The following ABCB5 variants were observed in gnomAD, a reference collection of about 807,000 sequenced individuals.
ABCB5 encodes ATP-binding cassette sub-family B member 5.
In ABCB5, 155 loss-of-function variants were observed where a neutral mutation model predicts 144.2. That is an observed-to-expected ratio of 1.08 (90% CI 0.94 to 1.23). The LOEUF is 1.23. ABCB5 is among the 50% of genes most tolerant of loss of function. The pLI, the probability that ABCB5 is intolerant of heterozygous loss-of-function variation, is 0.00. For missense variants in ABCB5, 1,830 were observed against 1,520.8 expected, an observed-to-expected ratio of 1.20 and a Z score of -3.38; for synonymous variants, 610 against 528.6, an observed-to-expected ratio of 1.15 and a Z score of -2.11.
intron 14 of ABCB5, chr7:20,659,898 G>C: frequency 1.1e-6 from 1 of 918,876 alleles, no homozygotes. Context: ...TGACCAGGCT[G>C]GTCTCAAACT....
chr7:20,647,707 A>AT, intron 10 of ABCB5, 59 bp downstream of exon 10: 1 of 1,531,246 alleles, frequency 6.5e-7, no homozygotes, highest in Non-Finnish European at 8.8e-7. Flanking sequence ...GAGACAAAAA[A>AT]ACATACACCC....
intron 20 of ABCB5, among the ~76,000 whole-genome samples, chr7:20,720,943 C>CAA (rs71020677): frequency 0.13 from 9,247 of 70,420 alleles, 986 homozygotes; most frequent in East Asian, 0.33. Context: ...AACTCTGCCT[C>CAA]AAAAAAAAAA....
At chr7:20,685,055 T>C (rs1785949971) in intron 15 of ABCB5, among the ~76,000 whole-genome samples, 1 of 152,212 alleles carries the variant, frequency 6.6e-6, no homozygotes, top group Non-Finnish European at 1.5e-5. Flanking sequence ...GTTACCATGT[T>C]GGCCAGGCTG....
intron 14 of ABCB5, among the ~76,000 whole-genome samples, chr7:20,662,939 T>G (rs75171064): frequency 0.056 from 8,453 of 152,244 alleles, 336 homozygotes; most frequent in South Asian, 0.13. Context: ...GGGTCCTTAT[T>G]TTAGATGTAA....
chr7:20,659,139 C>T (rs374932233), intron 14 of ABCB5: 41 of 1,613,796 alleles, frequency 2.5e-5, no homozygotes, highest in Non-Finnish European at 2.8e-5. Context: ...CAGCGCCCTT[C>T]GACAGCTCTG....
chr7:20,646,751 T>C (rs1211219627), intron 9 of ABCB5, among the ~76,000 whole-genome samples: 1 of 152,240 alleles, frequency 6.6e-6, no homozygotes, highest in African/African-American at 2.4e-5. Context: ...CAAAATGATC[T>C]GCTCTTTATA....
At chr7:20,713,256 C>A (rs1781554737) in intron 20 of ABCB5, among the ~76,000 whole-genome samples, 1 of 147,748 alleles carries the variant, frequency 6.8e-6, no homozygotes. Context: ...TTTTTCCAGA[C>A]AGGGTCTCAT....
At chr7:20,729,678 G>C (rs1412172393) in intron 23 of ABCB5, among the ~76,000 whole-genome samples, 9 of 152,164 alleles carry the variant, frequency 5.9e-5, no homozygotes, top group Admixed American at 6.6e-5. Flanking sequence ...TCATTGCTAA[G>C]CATTTAGAAC....
At position 20,629,116 on chromosome 7, in the gene ABCB5, G is replaced by C. The variant is rs146689820; in HGVS notation, c.259+278G>C. ...CAGAGAAACAGCATGGATAGGATGT[G>C]CGTTAGAAACAAAGAGAGAGAGAGA... On this transcript the variant is annotated intron_variant, in intron 4 of 27. Coordinates refer to ENST00000404938, the MANE Select transcript of ABCB5 (RefSeq NM_001163941.2). Among the ~76,000 whole-genome samples the C allele has an allele frequency of 7.5e-4, 113 of 150,378 alleles. 1 individual carries two copies. Among genetic ancestry groups the C allele is most frequent in the African/African-American group, 2.7e-3 (110 of 40,918 alleles).
chr7:20,753,404 C>A lies in ABCB5; in HGVS notation c.3474C>A (p.Gly1158=), dbSNP rs148088276. The A allele has an allele frequency of 7.4e-6, 12 of 1,613,834 alleles. No homozygotes were observed. Among genetic ancestry groups the A allele is most frequent in the South Asian group, 1.1e-5 (1 of 91,054 alleles). The change falls in exon 27 of 28, where the codon GGC becomes GGA. Residue 1158 remains glycine, a synonymous_variant. Coordinates refer to ENST00000404938, the MANE Select transcript of ABCB5 (RefSeq NM_001163941.2). ...QVGLKGAQLS[G]GQKQRLAIAR... Reference sequence around the variant, plus strand: ...GACTGAAAGGAGCACAGCTTTCTGGCGGCCAGAAACAAAGACTAGCTATTG... The same window carrying A: ...GACTGAAAGGAGCACAGCTTTCTGGAGGCCAGAAACAAAGACTAGCTATTG...
chr7:20,655,985 TC>T (rs1233935250), intron 13 of ABCB5, among the ~76,000 whole-genome samples: 1 of 152,212 alleles, frequency 6.6e-6, no homozygotes, highest in Non-Finnish European at 1.5e-5. Context: ...AGAAATAGAT[TC>T]ACAAATATCT....
At chr7:20,725,755 A>T (rs775853328) in intron 21 of ABCB5, among the ~76,000 whole-genome samples, 3 of 151,502 alleles carry the variant, frequency 2.0e-5, no homozygotes, top group Non-Finnish European at 2.9e-5. Flanking sequence ...TTTTATATTC[A>T]TTCCTTTTGT....
At chr7:20,704,562 G>GA (rs955800355) in intron 19 of ABCB5, among the ~76,000 whole-genome samples, 162 bp from the exon 20 acceptor site, 25 of 152,064 alleles carry the variant, frequency 1.6e-4, no homozygotes, top group Admixed American at 1.5e-3. Flanking sequence ...AGATCTTCAT[G>GA]AAAAAATAAG....
In ABCB5 at chr7:20,676,424, G is replaced by A. The variant is rs573557351; in HGVS notation, c.1708-5081G>A. ...GGAAATATTAATAAGCCTTTAAAAA[G>A]GAGGAAGTCCATATGGAACAACATG... On this transcript the variant is annotated intron_variant, in intron 14 of 27. Transcript: ENST00000404938. 8.6e-5 allele frequency among the ~76,000 whole-genome samples: 13 copies of A among 150,692 alleles called. No homozygotes were observed. The East Asian group carries it at 2.3e-3, about 27-fold the overall frequency.
chr7:20,736,793 C>T (rs1329941631), intron 23 of ABCB5, among the ~76,000 whole-genome samples: 1 of 152,206 alleles, frequency 6.6e-6, no homozygotes, highest in Non-Finnish European at 1.5e-5. Flanking sequence ...CTAATTGGGT[C>T]TGATTAGGTA....
rs570771436 is a variant in ABCB5, at chr7:20,734,293, GA to G, written c.2868-4686del. Among the ~76,000 whole-genome samples the G allele has an allele frequency of 2.5e-3, 375 of 151,704 alleles. 1 individual carries two copies. The highest frequency in any genetic ancestry group is 8.6e-3 in the African/African-American group (356 of 41,340). Reference sequence around the variant, plus strand: ...TAGCTAAACCAAAGAAATTTACAAAGAAAACTCCCTCCTACTAGAATTCTTC... The same window carrying G: ...TAGCTAAACCAAAGAAATTTACAAAGAAACTCCCTCCTACTAGAATTCTTC... On this transcript the variant is annotated intron_variant, in intron 23 of 27. Transcript: ENST00000404938.
chr7:20,695,917 C>A (rs1057132832), intron 16 of ABCB5, among the ~76,000 whole-genome samples: 1 of 151,744 alleles, frequency 6.6e-6, no homozygotes, highest in Admixed American at 6.6e-5. Context: ...ACTGACAGTA[C>A]CAAATATTGG....
intron 14 of ABCB5, chr7:20,659,738 C>T (rs73278686): frequency 0.13 from 128,798 of 985,084 alleles, 8,543 homozygotes; most frequent in African/African-American, 0.14. Context: ...ATTCAAGCCT[C>T]GCTCTGTCAC....
chr7:20,632,172 A>T, intron 5 of ABCB5, 59 bp downstream of exon 5: 1 of 1,252,272 alleles, frequency 8.0e-7, no homozygotes, highest in Non-Finnish European at 1.1e-6. Context: ...TTTAAAGCTT[A>T]CAAGAAAAAA....
Sources: gnomAD v4.1 joint callset for allele counts (sites outside exome capture counted in the v4.1 genomes callset) on GRCh38, gnomAD v4.1.1 for gene constraint, MANE v1.5 for transcripts, NCBI Gene and HGNC (gene_info 2026-07-23, HGNC 2026-07-21) for gene names.